HS6ST3: variants seen among roughly 807,000 people sequenced by gnomAD.
The protein encoded by HS6ST3 is heparan-sulfate 6-O-sulfotransferase 3.
Under a neutral mutation model 36.7 loss-of-function variants are expected in HS6ST3, and 12 were observed. The ratio of observed to expected loss-of-function variants is 0.33; its 90% CI spans 0.21 to 0.53. The LOEUF is 0.53. Ranked by LOEUF, HS6ST3 falls within the 20% of genes least tolerant of loss-of-function variation. The pLI is 0.95. For synonymous variants in HS6ST3, 240 were observed against 257.5 expected (o/e 0.93, Z 0.65); for missense variants, 584 against 640.9 (o/e 0.91, Z 0.96).
intron 1 of HS6ST3, among the ~76,000 whole-genome samples, chr13:96,696,604 G>A (rs1466025595): frequency 3.3e-5 from 5 of 152,204 alleles, no homozygotes; most frequent in African/African-American, 9.6e-5. Context: ...GGACTGGGAA[G>A]TCAGACTGAA....
intron 1 of HS6ST3, among the ~76,000 whole-genome samples, chr13:96,285,215 A>G (rs1373951767): frequency 6.6e-6 from 1 of 151,784 alleles, no homozygotes; most frequent in African/African-American, 2.4e-5. Context: ...AAGATCTACA[A>G]CTCTGACATG....
Position 96,715,266 on chromosome 13 carries a change from A to G in HS6ST3, c.708-117224A>G, listed in dbSNP as rs1301693130. On this transcript the variant is annotated intron_variant, in intron 1 of 1. Transcript: ENST00000376705. ...ATTTTATGGATTTATGCCTATGAAGAAAAAAAAACATTCAAATGAATGAAG... is the reference window on the plus strand; with the variant it reads ...ATTTTATGGATTTATGCCTATGAAGGAAAAAAAACATTCAAATGAATGAAG... Among the ~76,000 whole-genome samples the G allele has an allele frequency of 2.6e-5, 4 of 151,212 alleles. No homozygotes were observed. In the East Asian group the frequency reaches 7.8e-4, roughly 29 times the overall value.
chr13:96,444,627 T>C (rs2139482156), intron 1 of HS6ST3, among the ~76,000 whole-genome samples: 1 of 152,254 alleles, frequency 6.6e-6, no homozygotes, highest in East Asian at 1.9e-4. Context: ...TGCTATGCTT[T>C]CTGGATTCAA....
At chr13:96,567,632 C>A (rs9584388) in intron 1 of HS6ST3, among the ~76,000 whole-genome samples, 25,700 of 151,996 alleles carry the variant, frequency 0.17, 2,968 homozygotes, top group African/African-American at 0.33. Context: ...TAGGGGAAAG[C>A]TTGTCAACAA....
intron 1 of HS6ST3, among the ~76,000 whole-genome samples, chr13:96,695,983 C>T (rs941492517): frequency 2.6e-5 from 4 of 152,030 alleles, no homozygotes; most frequent in African/African-American, 9.7e-5. Flanking sequence ...AGTATAAATC[C>T]ATAAGCAGTA....
chr13:96,318,569 A>G lies in HS6ST3; in HGVS notation c.707+227000A>G, dbSNP rs574669198. ...ACAAAACAAAACAAAACAAAACAAAAGAAATAAAGGTAAAGTTCTAGTTTC... is the reference window on the plus strand; with the variant it reads ...ACAAAACAAAACAAAACAAAACAAAGGAAATAAAGGTAAAGTTCTAGTTTC... On this transcript the variant is annotated intron_variant, in intron 1 of 1. Transcript: ENST00000376705. Among the ~76,000 whole-genome samples, 107 of 149,372 alleles carry G rather than the reference A, an allele frequency of 7.2e-4. 2 individuals carry two copies. The highest frequency in any genetic ancestry group is 3.2e-3 in the South Asian group (15 of 4,694).
At chr13:96,417,959 C>T (rs1202223168) in intron 1 of HS6ST3, among the ~76,000 whole-genome samples, 1 of 152,038 alleles carries the variant, frequency 6.6e-6, no homozygotes, top group East Asian at 1.9e-4. Flanking sequence ...GTGGACATTT[C>T]CACTTGTGTT....
At chr13:96,670,510 GA>G (rs1362073070) in intron 1 of HS6ST3, among the ~76,000 whole-genome samples, 1 of 152,040 alleles carries the variant, frequency 6.6e-6, no homozygotes, top group African/African-American at 2.4e-5. Flanking sequence ...TAATTCAATA[GA>G]AAGGAGAAAT....
At chr13:96,781,069 CTGT>C (rs1453412059) in intron 1 of HS6ST3, among the ~76,000 whole-genome samples, 1 of 152,138 alleles carries the variant, frequency 6.6e-6, no homozygotes, top group Non-Finnish European at 1.5e-5. Context: ...AGGCAGATAG[CTGT>C]GTCTGTCTAA....
chr13:96,826,640 T>C (rs1878654206), intron 1 of HS6ST3, among the ~76,000 whole-genome samples: 1 of 152,140 alleles, frequency 6.6e-6, no homozygotes, highest in African/African-American at 2.4e-5. Flanking sequence ...AGGGAAGATA[T>C]GCAGGATACC....
rs1876564941 is a variant in HS6ST3, at chr13:96,746,510, G to T, written c.708-85980G>T. On this transcript the variant is annotated intron_variant, in intron 1 of 1. Transcript: ENST00000376705. ...TTTAGATTAGCTAGTTCAATGCTTT[G>T]GGTAGAATAAAGAGAAGTGTAGGTG... Among the ~76,000 whole-genome samples the T allele has an allele frequency of 2.0e-5, 3 of 152,138 alleles. No individual in the cohort carries two copies. The South Asian group carries it at 6.2e-4, about 32-fold the overall frequency.
chr13:96,342,257 T>A (rs1318763476), intron 1 of HS6ST3, among the ~76,000 whole-genome samples: 1 of 152,234 alleles, frequency 6.6e-6, no homozygotes, highest in Non-Finnish European at 1.5e-5. Flanking sequence ...AGACTCAATG[T>A]CAGTTTGTGT....
intron 1 of HS6ST3, among the ~76,000 whole-genome samples, chr13:96,392,209 GC>G (rs1463391404): frequency 1.3e-5 from 2 of 152,150 alleles, no homozygotes; most frequent in Admixed American, 1.3e-4. Flanking sequence ...TAGGCTGACT[GC>G]CTTCCAAATT....
At chr13:96,176,399 G>C (rs1217087170) in intron 1 of HS6ST3, among the ~76,000 whole-genome samples, 3 of 152,080 alleles carry the variant, frequency 2.0e-5, no homozygotes, top group African/African-American at 7.2e-5. Flanking sequence ...ATAGAATAAG[G>C]ATATAATTCT....
At chr13:96,561,524 A>G (rs1236047303) in intron 1 of HS6ST3, among the ~76,000 whole-genome samples, 3 of 152,178 alleles carry the variant, frequency 2.0e-5, no homozygotes, top group African/African-American at 7.2e-5. Context: ...ATAAAAACAA[A>G]AATTGACAAG....
intron 1 of HS6ST3, among the ~76,000 whole-genome samples, chr13:96,720,676 C>T (rs1416859668): frequency 2.0e-5 from 3 of 152,246 alleles, no homozygotes; most frequent in East Asian, 1.9e-4. Flanking sequence ...TCAAAATAGA[C>T]GCAACATGTA....
chr13:96,800,491 C>T (rs1878040167), intron 1 of HS6ST3, among the ~76,000 whole-genome samples: 1 of 152,068 alleles, frequency 6.6e-6, no homozygotes, highest in South Asian at 2.1e-4. Context: ...TTCCACTCTC[C>T]TTTCGCAGAA....
chr13:96,737,392 G>T (rs1466864183), intron 1 of HS6ST3, among the ~76,000 whole-genome samples: 1 of 151,756 alleles, frequency 6.6e-6, no homozygotes, highest in African/African-American at 2.4e-5. Flanking sequence ...TTGGGAGGCC[G>T]AGGCGGGTGG....
chr13:96,678,783 A>G (rs966905847), intron 1 of HS6ST3, among the ~76,000 whole-genome samples: 8 of 152,260 alleles, frequency 5.3e-5, no homozygotes, highest in Admixed American at 3.9e-4. Context: ...GCTTAGATAT[A>G]GATTCTGATT....
Sources: gnomAD v4.1 joint callset for allele counts (sites outside exome capture counted in the v4.1 genomes callset) on GRCh38, gnomAD v4.1.1 for gene constraint, MANE v1.5 for transcripts, NCBI Gene and HGNC (gene_info 2026-07-23, HGNC 2026-07-21) for gene names.